NMT2: variants seen among roughly 807,000 people sequenced by gnomAD.
The protein encoded by NMT2 is N-myristoyltransferase 2, also known as glycylpeptide N-tetradecanoyltransferase 2.
NMT2 carries 35 observed loss-of-function variants against 65.4 expected under a neutral mutation model. The observed-to-expected ratio is 0.54, with a 90% confidence interval of 0.41 to 0.71. The LOEUF (loss-of-function observed/expected upper bound fraction) is 0.71. NMT2 is among the 30% of genes least tolerant of loss of function. The pLI, the probability that NMT2 is intolerant of heterozygous loss-of-function variation, is 0.00. For missense variants in NMT2, 489 were observed against 611.3 expected (o/e 0.80, Z 2.11); for synonymous variants, 226 against 231.8 (o/e 0.98, Z 0.23).
At chr10:15,110,364 C>T (rs1845468686) in intron 10 of NMT2, among the ~76,000 whole-genome samples, 1 of 152,090 alleles carries the variant, frequency 6.6e-6, no homozygotes, top group African/African-American at 2.4e-5. Context: ...CCTGTAATCC[C>T]AGCACTTTGG....
chr10:15,143,200 G>T (rs1846835797), intron 1 of NMT2, among the ~76,000 whole-genome samples: 1 of 152,152 alleles, frequency 6.6e-6, no homozygotes, highest in Non-Finnish European at 1.5e-5. Context: ...AAAGCCTACT[G>T]CAACTTACTA....
intron 1 of NMT2, among the ~76,000 whole-genome samples, chr10:15,150,862 G>A (rs1191791741): frequency 2.6e-5 from 4 of 152,110 alleles, no homozygotes. Context: ...AAGCGTGGCT[G>A]GAAGAGAGGA....
At chr10:15,113,078 T>G (rs1232395560) in intron 9 of NMT2, 115 bp from the exon 10 acceptor site, 2 of 1,111,864 alleles carry the variant, frequency 1.8e-6, no homozygotes, top group Admixed American at 2.2e-5. Flanking sequence ...AAGTCACACT[T>G]CTTTCTCGGC....
chr10:15,123,901 T>G (rs1284128087), intron 8 of NMT2, among the ~76,000 whole-genome samples: 1 of 152,186 alleles, frequency 6.6e-6, no homozygotes, highest in Non-Finnish European at 1.5e-5. Flanking sequence ...AACAGTAGTG[T>G]TGTTATCTGT....
At chr10:15,120,428 A>T (rs1845890225) in intron 8 of NMT2, among the ~76,000 whole-genome samples, 1 of 152,232 alleles carries the variant, frequency 6.6e-6, no homozygotes, top group Non-Finnish European at 1.5e-5. Flanking sequence ...ACTGCACTCA[A>T]GCCTGGGAGA....
chr10:15,144,389 G>A (rs1846883713), intron 1 of NMT2, among the ~76,000 whole-genome samples: 1 of 152,116 alleles, frequency 6.6e-6, no homozygotes, highest in African/African-American at 2.4e-5. Context: ...TTGAGAATAA[G>A]AGCTGACCAG....
At chr10:15,115,389 T>C (rs1845710675) in intron 9 of NMT2, among the ~76,000 whole-genome samples, 1 of 152,170 alleles carries the variant, frequency 6.6e-6, no homozygotes, top group Non-Finnish European at 1.5e-5. Flanking sequence ...TTGTTACCAA[T>C]CGACTATAAG....
At chr10:15,128,530 T>C in intron 7 of NMT2, 72 bp from the exon 8 acceptor site, 2 of 949,052 alleles carry the variant, frequency 2.1e-6, no homozygotes, top group Non-Finnish European at 3.4e-6. Context: ...TGTCTCAGCT[T>C]GGCTGTTACA....
intron 2 of NMT2, among the ~76,000 whole-genome samples, chr10:15,136,578 C>A (rs1427634758): frequency 6.6e-6 from 1 of 152,018 alleles, no homozygotes; most frequent in African/African-American, 2.4e-5. Context: ...TCTAACCATG[C>A]CCCTTCCTCC....
chr10:15,132,983 A>C (rs1846337576), intron 5 of NMT2, 50 bp from the exon 6 acceptor site: 1 of 1,597,082 alleles, frequency 6.3e-7, no homozygotes, highest in Non-Finnish European at 8.6e-7. Context: ...GTCCAAGAAC[A>C]CAGGAACAGA....
chr10:15,166,302 C>A (rs1477723671), intron 1 of NMT2, among the ~76,000 whole-genome samples: 1 of 152,222 alleles, frequency 6.6e-6, no homozygotes, highest in Non-Finnish European at 1.5e-5. Context: ...CTCAAATTGA[C>A]AAACTGCCTT....
At chr10:15,127,568 AAAT>A (rs1564568399) in intron 8 of NMT2, among the ~76,000 whole-genome samples, 10 of 74,752 alleles carry the variant, frequency 1.3e-4, no homozygotes, top group African/African-American at 1.0e-3. Flanking sequence ...AAAAAAAAAA[AAAT>A]AAATAAATAA....
At chr10:15,157,025 T>G (rs1002518272) in intron 1 of NMT2, among the ~76,000 whole-genome samples, 8 of 152,118 alleles carry the variant, frequency 5.3e-5, no homozygotes, top group African/African-American at 1.9e-4. Context: ...CCTAAAGTAG[T>G]GAAGAACAAC....
chr10:15,116,257 G>T (rs1317655140), intron 9 of NMT2, among the ~76,000 whole-genome samples: 1 of 152,094 alleles, frequency 6.6e-6, no homozygotes, highest in African/African-American at 2.4e-5. Flanking sequence ...AATCAAACTA[G>T]AAATCTGTAA....
intron 8 of NMT2, among the ~76,000 whole-genome samples, chr10:15,123,665 G>C (rs984556709): frequency 3.9e-5 from 6 of 152,116 alleles, no homozygotes; most frequent in African/African-American, 1.2e-4. Context: ...CCGTATAATG[G>C]AATAGTGAAG....
intron 1 of NMT2, among the ~76,000 whole-genome samples, chr10:15,156,547 G>A (rs1048355170): frequency 1.7e-4 from 26 of 152,258 alleles, no homozygotes; most frequent in African/African-American, 6.3e-4. Flanking sequence ...ATGTATATAT[G>A]AATATACCAA....
At chr10:15,135,777 G>C (rs1177146793) in intron 2 of NMT2, among the ~76,000 whole-genome samples, 1 of 152,108 alleles carries the variant, frequency 6.6e-6, no homozygotes, top group African/African-American at 2.4e-5. Context: ...ACGAGCCTTG[G>C]GTGGGGGGCA....
chr10:15,130,282 A>T lies in NMT2; in HGVS notation c.750T>A (p.Leu250=). Residue 250 remains leucine (L), a synonymous_variant, in exon 7 of 12, where the codon CTT becomes CTA. Coordinates refer to ENST00000378165, the MANE Select transcript of NMT2 (RefSeq NM_004808.3). ...TCGATCTCAACTTCTTATGAACACAAAGAAAGTTGATTTCTACCATCTTCT... is the reference window on the plus strand; with the variant it reads ...TCGATCTCAACTTCTTATGAACACATAGAAAGTTGATTTCTACCATCTTCT... ...SVKKMVEINF[L]CVHKKLRSKR... 6.3e-7 allele frequency: 1 copy of T among 1,597,988 alleles called. No individual in the cohort carries two copies. The highest frequency in any genetic ancestry group is 8.5e-7 in the Non-Finnish European group (1 of 1,171,376).
At chr10:15,129,160 A>G (rs1421075985) in intron 7 of NMT2, among the ~76,000 whole-genome samples, 2 of 152,244 alleles carry the variant, frequency 1.3e-5, no homozygotes, top group Non-Finnish European at 2.9e-5. Flanking sequence ...CACACCAAAG[A>G]AAACAACTTT....
Sources: allele counts gnomAD v4.1 joint callset (sites outside exome capture counted in the v4.1 genomes callset), GRCh38; gene constraint gnomAD v4.1.1; transcripts MANE v1.5; gene names NCBI Gene and HGNC (gene_info 2026-07-23, HGNC 2026-07-21).